MB21D2: variants seen among roughly 807,000 people sequenced by gnomAD.
MB21D2 encodes the protein Mab-21 domain containing 2.
Under a neutral mutation model 33.3 loss-of-function variants are expected in MB21D2, and 9 were observed. That is an observed-to-expected ratio of 0.27 (90% confidence interval 0.16 to 0.47). The LOEUF is 0.47. Among genes scored for constraint, MB21D2 ranks in the 20% least tolerant of loss-of-function variants. The pLI is 0.99. For synonymous variants in MB21D2, 241 were observed against 236.3 expected, an observed-to-expected ratio of 1.02 and a Z score of -0.18; for missense variants, 540 against 624.6, an observed-to-expected ratio of 0.86 and a Z score of 1.44.
chr3:192,879,364 G>A (rs1713510138), intron 1 of MB21D2, among the ~76,000 whole-genome samples: 2 of 152,244 alleles, frequency 1.3e-5, no homozygotes, highest in African/African-American at 2.4e-5. Context: ...TCTCCAAGGG[G>A]ACTCTGAGAG....
chr3:192,900,863 C>T (rs777763745), intron 1 of MB21D2, among the ~76,000 whole-genome samples: 1 of 152,060 alleles, frequency 6.6e-6, no homozygotes, highest in Non-Finnish European at 1.5e-5. Flanking sequence ...ATCACTTGAA[C>T]CCCGGAGGCA....
At chr3:192,855,794 T>C (rs1248822706) in intron 1 of MB21D2, among the ~76,000 whole-genome samples, 2 of 152,198 alleles carry the variant, frequency 1.3e-5, no homozygotes, top group Non-Finnish European at 2.9e-5. Context: ...CAAGACAGTC[T>C]GGGCATGGTG....
At chr3:192,862,201 A>C (rs528366792) in intron 1 of MB21D2, among the ~76,000 whole-genome samples, 3 of 152,304 alleles carry the variant, frequency 2.0e-5, no homozygotes, top group African/African-American at 7.2e-5. Flanking sequence ...GTTTCAACCA[A>C]CACCCTGAAA....
chr3:192,901,723 T>G (rs1453691645), intron 1 of MB21D2, among the ~76,000 whole-genome samples: 1 of 152,214 alleles, frequency 6.6e-6, no homozygotes, highest in Non-Finnish European at 1.5e-5. Flanking sequence ...GGCCAATCCC[T>G]TAGTTCACAT....
chr3:192,867,461 C>T (rs558674651), intron 1 of MB21D2, among the ~76,000 whole-genome samples: 12 of 152,164 alleles, frequency 7.9e-5, no homozygotes, highest in Non-Finnish European at 1.3e-4. Context: ...TGACACAGAG[C>T]AAAAGGAGAA....
In MB21D2 at chr3:192,871,633, A is replaced by G. The variant is rs565244911; in HGVS notation, c.211+45997T>C. 6.6e-5 allele frequency among the ~76,000 whole-genome samples: 10 copies of G among 152,350 alleles called. 1 individual carries two copies. The highest frequency in any genetic ancestry group is 6.5e-4 in the Admixed American group (10 of 15,304). ...AGGCAAAGCATGTTCCAAGGTCTGA[A>G]GCCAAGAGTGGTCAGGATAAAGGGC... On this transcript the variant is annotated intron_variant, in intron 1 of 1. Coordinates refer to ENST00000392452, the MANE Select transcript of MB21D2 (RefSeq NM_178496.4).
intron 1 of MB21D2, among the ~76,000 whole-genome samples, chr3:192,822,498 G>A (rs1183774295): frequency 1.3e-5 from 2 of 152,018 alleles, no homozygotes; most frequent in African/African-American, 4.8e-5. Context: ...AAGAGCAAAT[G>A]CAAATCACTG....
intron 1 of MB21D2, among the ~76,000 whole-genome samples, chr3:192,869,255 C>CA (rs201525769): frequency 0.027 from 2,726 of 102,676 alleles, 37 homozygotes; most frequent in Middle Eastern, 0.043. Context: ...GACTCCATGT[C>CA]AAAAAAAAAG....
chr3:192,850,868 C>T (rs1712787454), intron 1 of MB21D2, among the ~76,000 whole-genome samples: 1 of 152,202 alleles, frequency 6.6e-6, no homozygotes, highest in South Asian at 2.1e-4. Context: ...GTAACTTCCT[C>T]CCACGTTTAC....
At chr3:192,829,269 A>G (rs1217220706) in intron 1 of MB21D2, among the ~76,000 whole-genome samples, 1 of 149,256 alleles carries the variant, frequency 6.7e-6, no homozygotes, top group Non-Finnish European at 1.5e-5. Flanking sequence ...ATGTGACACA[A>G]TTTATTTATC....
chr3:192,858,575 C>T (rs1476766635), intron 1 of MB21D2, among the ~76,000 whole-genome samples: 1 of 152,182 alleles, frequency 6.6e-6, no homozygotes, highest in South Asian at 2.1e-4. Flanking sequence ...ATTCACATTT[C>T]CCCCTCAGCA....
intron 1 of MB21D2, among the ~76,000 whole-genome samples, chr3:192,852,694 C>G (rs959393154): frequency 6.6e-6 from 1 of 152,148 alleles, no homozygotes; most frequent in African/African-American, 2.4e-5. Context: ...GTTAGTATGG[C>G]TAACATAATT....
chr3:192,903,867 T>C (rs990839842), intron 1 of MB21D2, among the ~76,000 whole-genome samples: 1 of 152,220 alleles, frequency 6.6e-6, no homozygotes, highest in Non-Finnish European at 1.5e-5. Flanking sequence ...GCATTCGCCA[T>C]GTGAAGTGCC....
intron 1 of MB21D2, among the ~76,000 whole-genome samples, chr3:192,858,213 A>G (rs988965818): frequency 1.3e-5 from 2 of 152,154 alleles, no homozygotes; most frequent in African/African-American, 4.8e-5. Flanking sequence ...GTTTTAATGC[A>G]TATATCATAA....
chr3:192,798,752 G>A lies in MB21D2; in HGVS notation c.1110C>T (p.Val370=), dbSNP rs759134712. 9.9e-6 allele frequency: 16 copies of A among 1,613,258 alleles called. No individual in the cohort carries two copies. Among genetic ancestry groups the A allele is most frequent in the Non-Finnish European group, 8.5e-7 (1 of 1,180,040 alleles). The change falls in exon 2 of 2, where the codon GTC becomes GTT. Residue 370 remains valine, a synonymous_variant. Transcript: ENST00000392452. This position sits in a 1 kb window ranked among gnomAD's most constrained non-coding sequence, Gnocchi z 4.8. ...TGAAATAATTGGGGCACATCTTGTT[G>A]ACCAGACAGTGTTGCAGGTCATCGA... is the stretch of plus-strand genomic sequence containing the variant. ...GLIDDLQHCL[V]NKMCPNYFIP...
intron 1 of MB21D2, among the ~76,000 whole-genome samples, chr3:192,868,677 C>G (rs546277622): frequency 1.0e-3 from 157 of 151,980 alleles, no homozygotes; most frequent in Middle Eastern, 6.8e-3. Flanking sequence ...TTCAATATAC[C>G]GAGGCTCCAT....
chr3:192,885,880 G>A (rs1713720792), intron 1 of MB21D2, among the ~76,000 whole-genome samples: 1 of 152,008 alleles, frequency 6.6e-6, no homozygotes, highest in Non-Finnish European at 1.5e-5. Context: ...TTCAAATTTT[G>A]GACAATCCCA....
At chr3:192,810,002 A>G (rs1287116399) in intron 1 of MB21D2, among the ~76,000 whole-genome samples, 2 of 152,332 alleles carry the variant, frequency 1.3e-5, no homozygotes, top group Non-Finnish European at 2.9e-5. Flanking sequence ...TTTGAAGGTC[A>G]TATCCCCTAA....
chr3:192,907,671 T>C (rs1439846776), intron 1 of MB21D2, among the ~76,000 whole-genome samples: 2 of 152,230 alleles, frequency 1.3e-5, no homozygotes, highest in South Asian at 2.1e-4. Flanking sequence ...TGAATATTTA[T>C]TGTCATCTAT....
Sources: gnomAD v4.1 joint callset for allele counts (sites outside exome capture counted in the v4.1 genomes callset) on GRCh38, gnomAD v4.1.1 for gene constraint, Gnocchi (gnomAD v3.1) non-coding constraint, MANE v1.5 for transcripts, NCBI Gene and HGNC (gene_info 2026-07-23, HGNC 2026-07-21) for gene names.